The following DDAH1 variants were observed in gnomAD, a reference collection of about 807,000 sequenced individuals.
The protein encoded by DDAH1 is N(G),N(G)-dimethylarginine dimethylaminohydrolase 1.
DDAH1 carries 19 observed loss-of-function variants against 28.8 expected under a neutral mutation model. The observed-to-expected ratio is 0.66, with a 90% CI of 0.46 to 0.97. DDAH1 has a LOEUF of 0.97. Among genes scored for constraint, DDAH1 ranks in the 50% least tolerant of loss-of-function variants. DDAH1 has a pLI of 0.00. For synonymous variants in DDAH1, 153 were observed against 154.4 expected, an observed-to-expected ratio of 0.99 and a Z score of 0.07; for missense variants, 326 against 375.9, an observed-to-expected ratio of 0.87 and a Z score of 1.10.
chr1:85,482,382 C>CA (rs1219937605), intron 2 of DDAH1: 1 of 152,038 alleles, frequency 6.6e-6, no homozygotes, highest in Non-Finnish European at 1.5e-5. Context: ...GTCAATTTGT[C>CA]AAAAAACGTC....
chr1:85,332,925 T>C (rs1192358175), intron 4 of DDAH1, among the ~76,000 whole-genome samples: 1 of 152,026 alleles, frequency 6.6e-6, no homozygotes, highest in Non-Finnish European at 1.5e-5. Flanking sequence ...CCACCGCTAA[T>C]ATCAGTGAGT....
rs557288131 is a variant in DDAH1, at chr1:85,321,312, T to A, written c.*140A>T. The A allele has an allele frequency of 7.6e-6, 5 of 658,720 alleles. No homozygotes were observed. In the African/African-American group the frequency reaches 8.9e-5, roughly 12 times the overall value. 40.8% of individuals were successfully genotyped at this position (658,720 alleles called of 1,614,324 possible). A position where few individuals can be genotyped will look rare whatever the true frequency, so the allele number is the denominator to read the frequency against. ...GGGTGGGGGTGTTGAATGAAGCAAT[T>A]CAACTTAGAATCAAATTTTGTAAAC... On this transcript the variant is annotated 3_prime_UTR_variant, in exon 6 of 6. Transcript: ENST00000284031.
chr1:85,375,981 C>T (rs1225800981), intron 1 of DDAH1, among the ~76,000 whole-genome samples: 1 of 152,088 alleles, frequency 6.6e-6, no homozygotes, highest in Non-Finnish European at 1.5e-5. Context: ...GCCCTGGTGC[C>T]CCTGTACTAA....
rs1364857518 is a variant in DDAH1 at position 85,528,805 on chromosome 1, C to A, written c.-122-32524G>T. On this transcript the variant is annotated intron_variant, in intron 1 of 6. Coordinates refer to the DDAH1 transcript ENST00000426972. Reference sequence around the variant, plus strand: ...CCTGACCAATACGGTGAAACCCCGTCTCTACTAAAAATACAAAAATTAGCT... The same window carrying A: ...CCTGACCAATACGGTGAAACCCCGTATCTACTAAAAATACAAAAATTAGCT... Among the ~76,000 whole-genome samples, 5 of 152,116 alleles carry A rather than the reference C, an allele frequency of 3.3e-5. No individual in the cohort carries two copies. In the East Asian group the frequency reaches 9.6e-4, roughly 29 times the overall value.
chr1:85,427,225 T>G (rs1308021106), intron 1 of DDAH1, among the ~76,000 whole-genome samples: 2 of 150,324 alleles, frequency 1.3e-5, no homozygotes, highest in East Asian at 3.9e-4. Context: ...TAAGAACTCA[T>G]CATGCTTGTG....
At chr1:85,452,329 C>CATAA (rs755367742) in intron 1 of DDAH1, among the ~76,000 whole-genome samples, 41 of 152,090 alleles carry the variant, frequency 2.7e-4, no homozygotes, top group Admixed American at 8.5e-4. Context: ...ACAACAACGA[C>CATAA]ATAAATAAAT....
intron 1 of DDAH1, among the ~76,000 whole-genome samples, chr1:85,555,173 A>G (rs1658924972): frequency 6.6e-6 from 1 of 152,238 alleles, no homozygotes; most frequent in Admixed American, 6.5e-5. Context: ...GGCACAGTAA[A>G]TAGTTTTGGA....
chr1:85,461,248 C>CAACATTAT (rs1655114562), intron 1 of DDAH1, among the ~76,000 whole-genome samples: 1 of 152,122 alleles, frequency 6.6e-6, no homozygotes, highest in African/African-American at 2.4e-5. Flanking sequence ...TCTAAAGATA[C>CAACATTAT]AACATTATTA....
chr1:85,499,763 A>T lies in DDAH1; in HGVS notation c.-122-3482T>A, dbSNP rs542672666. ...ACCTAAGGTTACAGAAGTGGACCAG[A>T]TCCCAGATTTCCTGATTCCCAGACT... is the stretch of plus-strand genomic sequence containing the variant. On this transcript the variant is annotated intron_variant, in intron 1 of 6. Transcript: ENST00000426972. 9.8e-5 allele frequency among the ~76,000 whole-genome samples: 15 copies of T among 152,304 alleles called. No homozygotes were observed. The South Asian group carries it at 2.7e-3, about 27-fold the overall frequency.
chr1:85,409,489 TA>T (rs1652549221), intron 1 of DDAH1, among the ~76,000 whole-genome samples: 1 of 152,218 alleles, frequency 6.6e-6, no homozygotes, highest in Non-Finnish European at 1.5e-5. Flanking sequence ...CCTGTTACTT[TA>T]AGTTCTAGTC....
At chr1:85,411,395 G>A (rs918993869) in intron 1 of DDAH1, among the ~76,000 whole-genome samples, 2 of 152,176 alleles carry the variant, frequency 1.3e-5, no homozygotes, top group South Asian at 4.1e-4. Context: ...CAATTAGAAA[G>A]GTAACAGGCC....
At chr1:85,368,361 C>T (rs762688091) in intron 1 of DDAH1, among the ~76,000 whole-genome samples, 7 of 152,162 alleles carry the variant, frequency 4.6e-5, no homozygotes, top group Non-Finnish European at 1.0e-4. Context: ...CTGGACAAAA[C>T]TAGGAAAGAC....
intron 1 of DDAH1, chr1:85,404,331 C>A (rs1652300262): frequency 6.6e-7 from 1 of 1,523,452 alleles, no homozygotes; most frequent in African/African-American, 1.4e-5. Flanking sequence ...GTTGACAAAG[C>A]CTGAAAGACC....
intron 1 of DDAH1, among the ~76,000 whole-genome samples, chr1:85,435,598 G>C (rs1222380531): frequency 6.6e-6 from 1 of 152,152 alleles, no homozygotes; most frequent in Non-Finnish European, 1.5e-5. Context: ...TGAAGAGTAA[G>C]GGGAACAGAA....
intron 1 of DDAH1, chr1:85,399,985 T>C (rs1475226571): frequency 6.6e-6 from 1 of 152,092 alleles, no homozygotes; most frequent in African/African-American, 2.4e-5. Flanking sequence ...TATTGTAATT[T>C]TGTTCTTGAA....
At chr1:85,414,869 C>G (rs1302790311) in intron 1 of DDAH1, among the ~76,000 whole-genome samples, 5 of 152,024 alleles carry the variant, frequency 3.3e-5, no homozygotes, top group African/African-American at 1.2e-4. Context: ...AAAAGATACC[C>G]AAGCTCATTG....
chr1:85,504,339 A>T (rs1477541961), intron 1 of DDAH1, among the ~76,000 whole-genome samples: 1 of 152,192 alleles, frequency 6.6e-6, no homozygotes, highest in Admixed American at 6.5e-5. Flanking sequence ...GGTAAAATTA[A>T]AGAGAACAAA....
In DDAH1 at chr1:85,382,574, T is replaced by C. The variant is rs759159252; in HGVS notation, c.304-23727A>G. Among the ~76,000 whole-genome samples, 98 of 152,368 alleles carry C rather than the reference T, an allele frequency of 6.4e-4. 2 individuals carry two copies. The highest frequency in any genetic ancestry group is 1.3e-3 in the East Asian group (7 of 5,194). ...CATTGTATGTTATGAATATGGTTGA[T>C]GAAGATGGTTATACTAAACAAAAGT... On this transcript the variant is annotated intron_variant, in intron 1 of 5. Coordinates refer to ENST00000284031, the MANE Select transcript of DDAH1 (RefSeq NM_012137.4).
intron 1 of DDAH1, among the ~76,000 whole-genome samples, chr1:85,571,147 G>A (rs1659444098): frequency 6.6e-6 from 1 of 152,168 alleles, no homozygotes; most frequent in African/African-American, 2.4e-5. Flanking sequence ...TTGGCCCATG[G>A]CGGTGCCCTG....
Sources: gnomAD v4.1 joint callset for allele counts (sites outside exome capture counted in the v4.1 genomes callset) on GRCh38, gnomAD v4.1.1 for gene constraint, MANE v1.5 for transcripts, NCBI Gene and HGNC (gene_info 2026-07-23, HGNC 2026-07-21) for gene names.